Variants in GCSH observed in about 807,000 individuals in gnomAD.
The protein encoded by GCSH is glycine cleavage system protein H.
A neutral mutation model predicts 21.3 loss-of-function variants in GCSH; 15 were observed. The ratio of observed to expected loss-of-function variants is 0.70; its 90% confidence interval spans 0.47 to 1.08. GCSH has a LOEUF of 1.08. Ranked by LOEUF, GCSH falls within the 50% of genes least tolerant of loss-of-function variation. The pLI is 0.00. For missense variants in GCSH, 179 were observed against 217.5 expected, an observed-to-expected ratio of 0.82 and a Z score of 1.11; for synonymous variants, 59 against 84.5, an observed-to-expected ratio of 0.70 and a Z score of 1.66.
In GCSH at chr16:81,081,985, C is replaced by G. The variant is rs189272724; in HGVS notation, c.*881G>C. 374 of 452,844 alleles carry G rather than the reference C, an allele frequency of 8.3e-4. No individual in the cohort carries two copies. Among genetic ancestry groups the G allele is most frequent in the Non-Finnish European group, 1.4e-3 (306 of 225,952 alleles). The allele number at this position is 452,844 out of a possible 1,614,324, so 28.1% of individuals were successfully genotyped here. A position where few individuals can be genotyped will look rare whatever the true frequency, so the allele number is the denominator to read the frequency against. On this transcript the variant is annotated 3_prime_UTR_variant, in exon 5 of 5. Transcript: ENST00000315467. ...CTTCAGTCCTTGTCCACTTTTATTC[C>G]CATGACTTAAGTGGAAACCTGAACG... is the stretch of plus-strand genomic sequence containing the variant.
Position 81,082,869 on chromosome 16 carries a change from C to T in GCSH, c.519G>A (p.Glu173=), listed in dbSNP as rs370229647. The change falls in exon 5 of 5, where the codon GAG becomes GAA. Residue 173 remains glutamate, a synonymous_variant. Transcript: ENST00000315467. ...AGTTTATTTAGGAGTTCCATTTTCA[C>T]TCCTCAATAGATTTTATGTATTTCT... ...AYEKYIKSIE[E] is the part of the protein sequence containing the mutation. The T allele has an allele frequency of 1.5e-5, 18 of 1,236,776 alleles. No individual in the cohort carries two copies. The South Asian group carries it at 1.8e-4, about 12-fold the overall frequency. The allele number at this position is 1,236,776 out of a possible 1,614,324, so 76.6% of individuals were successfully genotyped here.
intron 1 of GCSH, among the ~76,000 whole-genome samples, chr16:81,093,753 A>G (rs1340705869): frequency 1.3e-5 from 2 of 152,092 alleles, no homozygotes. Flanking sequence ...AGGCAGGAGA[A>G]TCACTTGAAC....
chr16:81,082,410 A>G lies in GCSH; in HGVS notation c.*456T>C. 2.6e-6 allele frequency: 1 copy of G among 378,256 alleles called. No homozygotes were observed. Among genetic ancestry groups the G allele is most frequent in the South Asian group, 2.0e-5 (1 of 50,546 alleles). The allele number at this position is 378,256 out of a possible 1,614,324, so 23.4% of individuals were successfully genotyped here. On this transcript the variant is annotated 3_prime_UTR_variant, in exon 5 of 5. Coordinates refer to ENST00000315467, the MANE Select transcript of GCSH (RefSeq NM_004483.5). ...ACCAGCAAATGCAGTGTATCGCAAA[A>G]TTAAGATAGTGGTGTTCCTCATCTG... is the stretch of plus-strand genomic sequence containing the variant.
intron 1 of GCSH, among the ~76,000 whole-genome samples, chr16:81,092,181 C>G (rs533340444): frequency 4.6e-5 from 7 of 151,946 alleles, no homozygotes; most frequent in Non-Finnish European, 8.8e-5. Flanking sequence ...CCGTTCCTGC[C>G]CAAAGGCTTG....
At chr16:81,089,897 ATGG>A (rs961863711) in intron 2 of GCSH, among the ~76,000 whole-genome samples, 2 of 152,108 alleles carry the variant, frequency 1.3e-5, no homozygotes, top group African/African-American at 4.8e-5. Flanking sequence ...GACCCACAAA[ATGG>A]TGGCAACACC....
At chr16:81,089,594 C>T (rs779988879) in intron 2 of GCSH, among the ~76,000 whole-genome samples, 1 of 152,130 alleles carries the variant, frequency 6.6e-6, no homozygotes, top group Non-Finnish European at 1.5e-5. Context: ...CACAGAAGGA[C>T]GCAATCCCCG....
intron 3 of GCSH, 78 bp from the exon 4 acceptor site, chr16:81,084,672 AT>A: frequency 3.9e-6 from 4 of 1,030,496 alleles, no homozygotes; most frequent in Non-Finnish European, 5.9e-6. Flanking sequence ...GAAAAAGTAG[AT>A]TCCTGTCATA....
chr16:81,088,877 A>G (rs1567588687), intron 2 of GCSH, among the ~76,000 whole-genome samples: 1 of 152,174 alleles, frequency 6.6e-6, no homozygotes, highest in Non-Finnish European at 1.5e-5. Context: ...TGGTCTCTCC[A>G]TCAGGTAAGT....
rs776578458 is a variant in GCSH, at chr16:81,082,972, A to G, written c.425-9T>C. 3 of 1,537,044 alleles carry G rather than the reference A, an allele frequency of 2.0e-6. No individual in the cohort carries two copies. Among genetic ancestry groups the G allele is most frequent in the Admixed American group, 1.7e-5 (1 of 59,912 alleles). On this transcript the variant is annotated splice_polypyrimidine_tract_variant and intron_variant, in intron 4 of 4. Transcript: ENST00000315467. ...CATCTTGATCAGCCAACCTGCAACCAAAAGACAACCTTATATTCCACATTA... is the reference window on the plus strand; with the variant it reads ...CATCTTGATCAGCCAACCTGCAACCGAAAGACAACCTTATATTCCACATTA...
chr16:81,094,723 T>A (rs1211129218), intron 1 of GCSH, among the ~76,000 whole-genome samples: 1 of 152,088 alleles, frequency 6.6e-6, no homozygotes, highest in Non-Finnish European at 1.5e-5. Flanking sequence ...TCTAAAACAA[T>A]GAGCTAATGA....
chr16:81,085,675 C>T (rs1972258531), intron 3 of GCSH, among the ~76,000 whole-genome samples: 1 of 152,028 alleles, frequency 6.6e-6, no homozygotes, highest in African/African-American at 2.4e-5. Flanking sequence ...TTGAAACCAG[C>T]CTAGCCAACA....
chr16:81,096,168 G>A lies in GCSH; in HGVS notation c.111C>T (p.Ala37=). ...CGGGTCCAGTGCGCAGCGTACGGACGGCGCCCACCCCCAGCTGCCAGGGCC... is the reference window on the plus strand; with the variant it reads ...CGGGTCCAGTGCGCAGCGTACGGACAGCGCCCACCCCCAGCTGCCAGGGCC... The part of the protein sequence containing the change: ...PPRPWQLGVG[A]VRTLRTGPAL... Residue 37 remains alanine (A), a synonymous_variant, in exon 1 of 5, where the codon GCC becomes GCT. Transcript: ENST00000315467. The A allele has an allele frequency of 1.5e-6, 2 of 1,318,402 alleles. No individual in the cohort carries two copies. The highest frequency in any genetic ancestry group is 1.9e-6 in the Non-Finnish European group (2 of 1,039,744). The allele number at this position is 1,318,402 out of a possible 1,614,324, so 81.7% of individuals were successfully genotyped here.
At chr16:81,089,910 C>T (rs1972364218) in intron 2 of GCSH, among the ~76,000 whole-genome samples, 1 of 152,088 alleles carries the variant, frequency 6.6e-6, no homozygotes, top group Admixed American at 6.6e-5. Flanking sequence ...GTGGCAACAC[C>T]CTGCTCTTCT....
chr16:81,085,006 C>T lies in GCSH; in HGVS notation c.293-412G>A, dbSNP rs570319383. 8.0e-3 allele frequency among the ~76,000 whole-genome samples: 1,061 copies of T among 132,400 alleles called. 12 individuals carry two copies. Among genetic ancestry groups the T allele is most frequent in the African/African-American group, 0.029 (1,010 of 35,392 alleles). 86.9% of individuals were successfully genotyped at this position (132,400 alleles called of 152,430 possible). On this transcript the variant is annotated intron_variant, in intron 3 of 4. Transcript: ENST00000315467. ...CTGGGATTATAGGCATAAGCCACTG[C>T]ACCTGGCTCTTTTTTTTTTTTTTTT... is the stretch of plus-strand genomic sequence containing the variant.
chr16:81,089,096 G>A (rs959409796), intron 2 of GCSH, among the ~76,000 whole-genome samples: 8 of 152,214 alleles, frequency 5.3e-5, no homozygotes, highest in African/African-American at 1.9e-4. Flanking sequence ...CATCTTACAT[G>A]TCTGAGGAAT....
intron 2 of GCSH, among the ~76,000 whole-genome samples, chr16:81,089,674 C>G (rs1349581436): frequency 6.6e-6 from 1 of 152,184 alleles, no homozygotes; most frequent in African/African-American, 2.4e-5. Context: ...TTAACATCCC[C>G]CCTTCCCCGC....
chr16:81,090,574 G>A lies in GCSH; in HGVS notation c.228+27C>T, dbSNP rs745971135. 7.6e-6 allele frequency: 11 copies of A among 1,443,490 alleles called. No homozygotes were observed. The East Asian group carries it at 2.3e-4, about 30-fold the overall frequency. The allele number at this position is 1,443,490 out of a possible 1,614,324, so 89.4% of individuals were successfully genotyped here. A position where few individuals can be genotyped will look rare whatever the true frequency, so the allele number is the denominator to read the frequency against. ...AGCAAATCATGCAAGAGCACACTGG[G>A]ACAAATATTTCAATATAATCCAATA... On this transcript the variant is annotated intron_variant, in intron 2 of 4. Coordinates refer to ENST00000315467, the MANE Select transcript of GCSH (RefSeq NM_004483.5).
At chr16:81,090,792 A>C in intron 1 of GCSH, 112 bp from the exon 2 acceptor site, 1 of 770,224 alleles carries the variant, frequency 1.3e-6, no homozygotes, top group Admixed American at 1.9e-5. Context: ...TGACCTGTTG[A>C]CACTACCTTT....
intron 2 of GCSH, among the ~76,000 whole-genome samples, chr16:81,088,383 C>A (rs531987328): frequency 1.3e-5 from 2 of 152,204 alleles, no homozygotes; most frequent in Non-Finnish European, 1.5e-5. Context: ...CTGCCCCACA[C>A]AAGACTGCTA....
Sources: gnomAD v4.1 joint callset for allele counts (sites outside exome capture counted in the v4.1 genomes callset) on GRCh38, gnomAD v4.1.1 for gene constraint, MANE v1.5 for transcripts, NCBI Gene and HGNC (gene_info 2026-07-23, HGNC 2026-07-21) for gene names.